TENM1: variants seen among roughly 807,000 people sequenced by gnomAD.
TENM1 encodes teneurin-1.
A neutral mutation model predicts 174.8 loss-of-function variants in TENM1; 35 were observed. The observed-to-expected ratio is 0.20, with a 90% CI of 0.15 to 0.27. The LOEUF is 0.27. Among genes scored for constraint, TENM1 ranks in the 10% least tolerant of loss-of-function variants. The pLI is 1.00. For synonymous variants in TENM1, 781 were observed against 798.7 expected, an observed-to-expected ratio of 0.98 and a Z score of 0.37; for missense variants, 1,633 against 2,130.1, an observed-to-expected ratio of 0.77 and a Z score of 4.59.
chrX:124,487,068 C>T, intron 21 of TENM1, 141 bp downstream of exon 24: 1 of 557,329 alleles, frequency 1.8e-6, no homozygotes. Context: ...AGACACTTAC[C>T]TGAGTTATAA....
intron 1 of TENM1, among the ~76,000 whole-genome samples, chrX:124,904,689 G>C (rs1386851243): frequency 8.9e-6 from 1 of 112,137 alleles, no homozygotes; most frequent in Non-Finnish European, 1.9e-5. Context: ...TCTTCTGACT[G>C]AAATAGTCAC....
intron 13 of TENM1, 77 bp downstream of exon 16, chrX:124,563,672 G>A (rs1003271667): frequency 4.3e-5 from 35 of 805,158 alleles, no homozygotes; most frequent in Non-Finnish European, 5.7e-5. Flanking sequence ...GCCAAAAAAC[G>A]CTACCCTTTC....
At chrX:125,016,868 A>G in the TENM1 span, among the ~76,000 whole-genome samples, 1 of 111,700 alleles carries the variant, frequency 9.0e-6, no homozygotes, top group Non-Finnish European at 1.9e-5. Context: ...AAACAAATAT[A>G]TAGACCAATG....
At chrX:124,754,970 T>C (rs1192150131) in intron 3 of TENM1, among the ~76,000 whole-genome samples, 3 of 104,434 alleles carry the variant, frequency 2.9e-5, no homozygotes, top group Non-Finnish European at 5.8e-5. Context: ...TTCTGTTGAT[T>C]TGGGGTGGAG....
intron 3 of TENM1, among the ~76,000 whole-genome samples, chrX:124,756,469 T>G (rs5958576): frequency 9.3e-6 from 1 of 107,718 alleles, no homozygotes; most frequent in African/African-American, 3.6e-5. Context: ...TTTGATCGTC[T>G]GAAGCCTTCT....
intron 3 of TENM1, among the ~76,000 whole-genome samples, chrX:124,861,301 C>A (rs1245885046): frequency 9.0e-6 from 1 of 111,061 alleles, no homozygotes; most frequent in African/African-American, 3.3e-5. Flanking sequence ...TCCTGGGGTA[C>A]CTAAATGTCA....
chrX:124,657,555 T>C (rs2051478170), intron 6 of TENM1, among the ~76,000 whole-genome samples: 1 of 112,077 alleles, frequency 8.9e-6, no homozygotes, highest in Admixed American at 9.5e-5. Context: ...TGAATACTAA[T>C]TACATGATTA....
intron 1 of TENM1, among the ~76,000 whole-genome samples, chrX:124,896,650 A>G (rs1205168011): frequency 3.6e-5 from 4 of 111,931 alleles, no homozygotes; most frequent in Non-Finnish European, 7.5e-5. Context: ...TGCTTTTCTA[A>G]GTATTCCATA....
chrX:124,839,192 G>A (rs770019522), intron 3 of TENM1, among the ~76,000 whole-genome samples: 4 of 111,971 alleles, frequency 3.6e-5, no homozygotes, highest in African/African-American at 1.3e-4. Context: ...TGTAAAACAT[G>A]TAAAATATTT....
chrX:124,959,031 A>C (rs1046863762), intron 1 of TENM1, among the ~76,000 whole-genome samples: 1 of 111,146 alleles, frequency 9.0e-6, no homozygotes, highest in Non-Finnish European at 1.9e-5. Flanking sequence ...CTGATCTAAA[A>C]CTCAATTATT....
intron 3 of TENM1, among the ~76,000 whole-genome samples, chrX:124,889,816 T>C (rs910292741): frequency 8.9e-6 from 1 of 111,793 alleles, no homozygotes; most frequent in Admixed American, 9.5e-5. Flanking sequence ...AATCAGACTA[T>C]TACTGACTAC....
chrX:124,711,223 T>C (rs1366228787), intron 4 of TENM1, among the ~76,000 whole-genome samples: 1 of 111,089 alleles, frequency 9.0e-6, no homozygotes, highest in African/African-American at 3.3e-5. Flanking sequence ...TCTTCAAGAA[T>C]GATGAGACCC....
intron 10 of TENM1, among the ~76,000 whole-genome samples, chrX:124,642,327 G>A (rs1042319645): frequency 8.9e-6 from 1 of 111,893 alleles, no homozygotes; most frequent in Non-Finnish European, 1.9e-5. Flanking sequence ...GCTCAGCTTC[G>A]CAAAAAAGCC....
At chrX:125,100,409 T>C in the TENM1 span, among the ~76,000 whole-genome samples, 1 of 111,143 alleles carries the variant, frequency 9.0e-6, no homozygotes, top group Non-Finnish European at 1.9e-5. Flanking sequence ...AAAAGAAAAA[T>C]CAAAGAAGCT....
intron 14 of TENM1, among the ~76,000 whole-genome samples, chrX:124,550,233 T>C (rs1405425265): frequency 9.0e-6 from 1 of 111,536 alleles, no homozygotes; most frequent in Non-Finnish European, 1.9e-5. Flanking sequence ...ACTAATTGTA[T>C]GCCCTTGGCT....
At chrX:124,615,701 T>C (rs1448189379) in intron 11 of TENM1, among the ~76,000 whole-genome samples, 2 of 111,995 alleles carry the variant, frequency 1.8e-5, no homozygotes, top group Non-Finnish European at 3.8e-5. Context: ...TCTTGGTTTT[T>C]AGTAGTGAGA....
chrX:125,098,951 A>G, the TENM1 span, among the ~76,000 whole-genome samples: 1 of 112,291 alleles, frequency 8.9e-6, no homozygotes, highest in Admixed American at 9.5e-5. Flanking sequence ...AGACCAAAGG[A>G]CTTCCCATTT....
chrX:124,864,438 C>A (rs1452905670), intron 3 of TENM1, among the ~76,000 whole-genome samples: 1 of 111,786 alleles, frequency 8.9e-6, no homozygotes, highest in Admixed American at 9.5e-5. Flanking sequence ...AATTCTGGAG[C>A]TGAAAAATGC....
At chrX:124,989,672 G>T in the TENM1 span, among the ~76,000 whole-genome samples, 4 of 109,067 alleles carry the variant, frequency 3.7e-5, no homozygotes, top group East Asian at 1.1e-3. Flanking sequence ...AAGATAAATA[G>T]ATCAGTGAAA....
Sources: allele counts gnomAD v4.1 joint callset (sites outside exome capture counted in the v4.1 genomes callset), GRCh38; gene constraint gnomAD v4.1.1; transcripts MANE v1.5; gene names NCBI Gene and HGNC (gene_info 2026-07-23, HGNC 2026-07-21).